Variants in CLDN2 observed in about 807,000 individuals in gnomAD.
CLDN2 encodes claudin-2.
Under a neutral mutation model 8.2 loss-of-function variants are expected in CLDN2, and 1 was observed. The ratio of observed to expected loss-of-function variants is 0.12; its 90% CI spans 0.04 to 0.58. CLDN2 has a LOEUF of 0.58. Among genes scored for constraint, CLDN2 ranks in the 20% least tolerant of loss-of-function variants. The pLI is 0.90. For synonymous variants in CLDN2, 70 were observed against 70.2 expected (o/e 1.00, Z 0.01); for missense variants, 108 against 172.9 (o/e 0.62, Z 2.11).
At chrX:106,905,886 C>T (rs1347878551) in intron 1 of CLDN2, among the ~76,000 whole-genome samples, 1 of 111,551 alleles carries the variant, frequency 9.0e-6, no homozygotes, top group Non-Finnish European at 1.9e-5. Flanking sequence ...ACACCCAGCT[C>T]CCAGCATGCT....
chrX:106,926,512 A>G (rs1171074613), intron 1 of CLDN2, among the ~76,000 whole-genome samples: 1 of 110,694 alleles, frequency 9.0e-6, no homozygotes, highest in East Asian at 2.8e-4. Flanking sequence ...ATGAGTAGGG[A>G]AAGAGAAATC....
chrX:106,908,755 T>C (rs1602454960), intron 1 of CLDN2, among the ~76,000 whole-genome samples: 1 of 109,291 alleles, frequency 9.1e-6, no homozygotes, highest in African/African-American at 3.3e-5. Context: ...CCCATGGCTA[T>C]TTTTTTTCAT....
intron 1 of CLDN2, among the ~76,000 whole-genome samples, chrX:106,926,104 G>A (rs1358163374): frequency 8.9e-6 from 1 of 112,249 alleles, no homozygotes; most frequent in Non-Finnish European, 1.9e-5. Context: ...GAACTGGTGG[G>A]ACATAGGGAC....
upstream of CLDN2, among the ~76,000 whole-genome samples, chrX:106,914,046 G>A (rs775297070): frequency 5.9e-5 from 6 of 101,237 alleles, no homozygotes; most frequent in South Asian, 3.0e-3. Flanking sequence ...TCCACCTCCC[G>A]GGCTCAAGTG....
intron 1 of CLDN2, chrX:106,901,331 C>T: frequency 1.7e-6 from 1 of 587,418 alleles, no homozygotes. Flanking sequence ...GTCCCTTAAC[C>T]TCTCTGGGCT....
At chrX:106,911,706 G>A (rs1052112501) in intron 1 of CLDN2, among the ~76,000 whole-genome samples, 2 of 112,376 alleles carry the variant, frequency 1.8e-5, no homozygotes, top group African/African-American at 3.2e-5. Context: ...CCTTTCTATC[G>A]AGGTGCTGTG....
At position 106,928,284 on chromosome X, in the gene CLDN2, T is replaced by G. The variant is rs151003816; in HGVS notation, c.56T>G (p.Leu19Trp). 2 of 1,210,591 alleles carry G rather than the reference T, an allele frequency of 1.7e-6. No individual in the cohort carries two copies. The highest frequency in any genetic ancestry group is 3.5e-5 in the African/African-American group (2 of 57,435). Residue 19 changes from leucine (L) to tryptophan (W), a missense_variant, in exon 2 of 2, where the codon TTG (leucine) becomes TGG (tryptophan). By Grantham distance (61) the Leu-to-Trp change is moderately conservative. Coordinates refer to ENST00000336803, the MANE Select transcript of CLDN2 (RefSeq NM_020384.4). ...VGYILGLLGLLGTLVAMLLPS... is the reference protein window; with the variant it reads ...VGYILGLLGLWGTLVAMLLPS... Reference sequence around the variant, plus strand: ...TACATCCTAGGCCTTCTGGGGCTTTTGGGCACACTGGTTGCCATGCTGCTC... The same window carrying G: ...TACATCCTAGGCCTTCTGGGGCTTTGGGGCACACTGGTTGCCATGCTGCTC...
At chrX:106,924,510 T>C (rs894141667) in intron 1 of CLDN2, among the ~76,000 whole-genome samples, 1 of 110,291 alleles carries the variant, frequency 9.1e-6, no homozygotes, top group African/African-American at 3.3e-5. Flanking sequence ...ACTATGTTTC[T>C]CTCCCTTCAT....
At chrX:106,914,720 A>C (rs775486625), upstream of CLDN2, among the ~76,000 whole-genome samples, 33 of 112,249 alleles carry the variant, frequency 2.9e-4, no homozygotes, top group Middle Eastern at 4.7e-3. Context: ...TAAATAGTTA[A>C]AATGTAAGTT....
In CLDN2 at chrX:106,928,063, CCTT is replaced by C; in HGVS notation, c.-162_-160del. 1 of 405,830 alleles carries C rather than the reference CCTT, an allele frequency of 2.5e-6. No homozygotes were observed. The highest frequency in any genetic ancestry group is 4.3e-6 in the Non-Finnish European group (1 of 234,663). 33.4% of individuals were successfully genotyped at this position (405,830 alleles called of 1,213,427 possible). On this transcript the variant is annotated 5_prime_UTR_variant, in exon 2 of 2. The change creates a premature stop within an existing upstream ORF in the 5' untranslated region. Coordinates refer to ENST00000336803, the MANE Select transcript of CLDN2 (RefSeq NM_020384.4). The stretch of plus-strand genomic sequence containing the variant: ...GGATTTTTTTTAGGTCTTCTAGATG[CCTT>C]CTTGAGGCTGCTTGTGGCCACCCAC...
upstream of CLDN2, among the ~76,000 whole-genome samples, chrX:106,914,763 T>C (rs1027286286): frequency 1.8e-5 from 2 of 112,073 alleles, no homozygotes; most frequent in Non-Finnish European, 3.8e-5. Context: ...TCAATAGATA[T>C]AACCCTTTGG....
intron 1 of CLDN2, chrX:106,903,331 C>T (rs1183871966): frequency 1.8e-5 from 20 of 1,132,912 alleles, no homozygotes; most frequent in Non-Finnish European, 2.2e-5. Flanking sequence ...TTCCCAGAAC[C>T]TTCTGCACTC....
chrX:106,918,637 G>T (rs1003705169), upstream of CLDN2, among the ~76,000 whole-genome samples: 2 of 112,256 alleles, frequency 1.8e-5, no homozygotes, highest in African/African-American at 6.5e-5. Flanking sequence ...CCCAGGCCTT[G>T]CTCTGTACTA....
intron 1 of CLDN2, among the ~76,000 whole-genome samples, chrX:106,910,859 G>T (rs111561783): frequency 1.8e-5 from 2 of 111,830 alleles, no homozygotes; most frequent in Non-Finnish European, 3.8e-5. Context: ...TTTTGCAGTC[G>T]ATCTTAACGT....
chrX:106,900,352 C>T (rs1461062378), exon 1 of CLDN2: 1 of 121,676 alleles, frequency 8.2e-6, no homozygotes, highest in Non-Finnish European at 1.7e-5. Context: ...TGAGGAATGA[C>T]TACTTCCCTC....
At chrX:106,910,802 G>T (rs928750033) in intron 1 of CLDN2, among the ~76,000 whole-genome samples, 1 of 111,359 alleles carries the variant, frequency 9.0e-6, no homozygotes, top group Middle Eastern at 4.6e-3. Context: ...CTATTGAGAG[G>T]TTTGTCTGCC....
rs756017902 is a variant in CLDN2 at position 106,903,133 on chromosome X, C to A, written c.-179+2629C>A. On this transcript the variant is annotated intron_variant, in intron 1 of 1. Coordinates refer to the CLDN2 transcript ENST00000541806. ...TTGCCAAAGGCTAAGCTCAACTTACCTTTCACTCCCATTTACTTCTTGTCC... is the reference window on the plus strand; with the variant it reads ...TTGCCAAAGGCTAAGCTCAACTTACATTTCACTCCCATTTACTTCTTGTCC... 8 of 1,211,127 alleles carry A rather than the reference C, an allele frequency of 6.6e-6. No individual in the cohort carries two copies. In the South Asian group the frequency reaches 1.2e-4, roughly 19 times the overall value.
intron 1 of CLDN2, among the ~76,000 whole-genome samples, chrX:106,926,921 A>T (rs1305509535): frequency 2.8e-5 from 2 of 70,327 alleles, no homozygotes; most frequent in African/African-American, 1.2e-4. Flanking sequence ...ACACACACAC[A>T]CACACACACA....
At chrX:106,915,729 CTCTT>C (rs1238389174), upstream of CLDN2, among the ~76,000 whole-genome samples, 1 of 111,007 alleles carries the variant, frequency 9.0e-6, no homozygotes, top group African/African-American at 3.3e-5. Context: ...CCTTTATTCT[CTCTT>C]TCCTCCCAGA....
Sources: gnomAD v4.1 joint callset for allele counts (sites outside exome capture counted in the v4.1 genomes callset) on GRCh38, gnomAD v4.1.1 for gene constraint, MANE v1.5 for transcripts, NCBI Gene and HGNC (gene_info 2026-07-23, HGNC 2026-07-21) for gene names.